SLC39A10: variants seen among roughly 807,000 people sequenced by gnomAD.
SLC39A10 encodes the protein zinc transporter ZIP10.
SLC39A10 carries 13 observed loss-of-function variants against 65.1 expected under a neutral mutation model. That is an observed-to-expected ratio of 0.20 (90% CI 0.13 to 0.32). The LOEUF is 0.32. SLC39A10 is among the 10% of genes least tolerant of loss of function. The pLI is 1.00. For missense variants in SLC39A10, 831 were observed against 1,018.4 expected, an observed-to-expected ratio of 0.82 and a Z score of 2.50; for synonymous variants, 321 against 342.2, an observed-to-expected ratio of 0.94 and a Z score of 0.68.
chr2:195,707,911 T>C (rs563642509), intron 4 of SLC39A10, among the ~76,000 whole-genome samples: 2 of 152,332 alleles, frequency 1.3e-5, no homozygotes, highest in South Asian at 4.1e-4. Flanking sequence ...TAAGTGCAGT[T>C]ATCTAACTTA....
Position 195,618,186 on chromosome 2 carries a change from AC to A in SLC39A10, c.-12+11954del, listed in dbSNP as rs1688267338. ...GCCAACATGGTGAAACCGTGTCTCT[AC>A]TAAAAATACAAAAATTAGCAGGGCA... On this transcript the variant is annotated intron_variant, in intron 2 of 2. Coordinates refer to the SLC39A10 transcript ENST00000458054. Among the ~76,000 whole-genome samples the A allele has an allele frequency of 3.3e-5, 5 of 151,982 alleles. No individual in the cohort carries two copies. The South Asian group carries it at 8.3e-4, about 25-fold the overall frequency.
intron 2 of SLC39A10, among the ~76,000 whole-genome samples, chr2:195,622,937 A>T (rs1688380139): frequency 7.2e-6 from 1 of 139,070 alleles, no homozygotes; most frequent in South Asian, 2.2e-4. Context: ...GCGCCCCTGC[A>T]CTCCAGCCTG....
chr2:195,715,117 G>A (rs1327852226), intron 6 of SLC39A10, among the ~76,000 whole-genome samples: 1 of 152,062 alleles, frequency 6.6e-6, no homozygotes, highest in Non-Finnish European at 1.5e-5. Context: ...AAAACAGCAT[G>A]TATAAAATAA....
chr2:195,627,274 C>T (rs962779857), intron 2 of SLC39A10, among the ~76,000 whole-genome samples: 2 of 152,114 alleles, frequency 1.3e-5, no homozygotes, highest in Admixed American at 6.5e-5. Flanking sequence ...ATGACACCCC[C>T]ACCCCGCGCC....
At chr2:195,718,929 T>G (rs1386564816) in intron 8 of SLC39A10, among the ~76,000 whole-genome samples, 2 of 152,004 alleles carry the variant, frequency 1.3e-5, no homozygotes. Flanking sequence ...ATGATTTCTG[T>G]TTTCATTTTA....
At chr2:195,695,350 G>A (rs1468837481) in intron 3 of SLC39A10, among the ~76,000 whole-genome samples, 1 of 152,152 alleles carries the variant, frequency 6.6e-6, no homozygotes, top group Non-Finnish European at 1.5e-5. Context: ...GGCTGCCTCT[G>A]CTGAGTCACA....
At chr2:195,729,310 T>C (rs996290569) in intron 9 of SLC39A10, among the ~76,000 whole-genome samples, 2 of 152,184 alleles carry the variant, frequency 1.3e-5, no homozygotes, top group Non-Finnish European at 2.9e-5. Context: ...ACAGAATTAA[T>C]GCCTATTTAT....
At chr2:195,635,643 A>G (rs1336797314) in intron 2 of SLC39A10, among the ~76,000 whole-genome samples, 1 of 151,060 alleles carries the variant, frequency 6.6e-6, no homozygotes, top group African/African-American at 2.4e-5. Context: ...ATCTCAAGTC[A>G]CAGTATCCCT....
chr2:195,710,395 G>T (rs1342408726), intron 5 of SLC39A10, among the ~76,000 whole-genome samples: 1 of 151,982 alleles, frequency 6.6e-6, no homozygotes, highest in Non-Finnish European at 1.5e-5. Flanking sequence ...ACCTTTTTTG[G>T]GATGGTCAAG....
intron 1 of SLC39A10, among the ~76,000 whole-genome samples, chr2:195,666,307 G>C (rs7562020): frequency 0.52 from 78,664 of 151,946 alleles, 21,034 homozygotes; most frequent in Non-Finnish European, 0.6. Context: ...TGGAAAAGAA[G>C]GATCATTTTA....
chr2:195,683,098 C>T (rs1690391958), intron 2 of SLC39A10, among the ~76,000 whole-genome samples: 1 of 151,086 alleles, frequency 6.6e-6, no homozygotes, highest in Admixed American at 6.6e-5. Flanking sequence ...TTGTTTTCTG[C>T]GTTGTTTTGT....
intron 5 of SLC39A10, among the ~76,000 whole-genome samples, chr2:195,712,605 T>G (rs1384258651): frequency 6.6e-6 from 1 of 152,240 alleles, no homozygotes; most frequent in Non-Finnish European, 1.5e-5. Flanking sequence ...AATTATTTGC[T>G]TTCTTAAATT....
At chr2:195,734,159 TAAAAAAAA>T (rs35001848) in intron 9 of SLC39A10, among the ~76,000 whole-genome samples, 1 of 116,540 alleles carries the variant, frequency 8.6e-6, no homozygotes, top group African/African-American at 3.4e-5. Flanking sequence ...CCTTTTTTTT[TAAAAAAAA>T]AAAAAAAAAA....
chr2:195,714,137 C>T (rs532220369), intron 6 of SLC39A10, among the ~76,000 whole-genome samples: 6 of 152,104 alleles, frequency 3.9e-5, no homozygotes, highest in African/African-American at 1.4e-4. Context: ...TTCACCGTGT[C>T]AGCCAGGATG....
At chr2:195,625,334 G>A (rs2105691605) in intron 2 of SLC39A10, among the ~76,000 whole-genome samples, 1 of 151,000 alleles carries the variant, frequency 6.6e-6, no homozygotes, top group East Asian at 2.0e-4. Context: ...GGAGTGCAAT[G>A]GCACGATCTC....
At chr2:195,701,947 T>C (rs1237771102) in intron 3 of SLC39A10, among the ~76,000 whole-genome samples, 1 of 152,150 alleles carries the variant, frequency 6.6e-6, no homozygotes, top group Non-Finnish European at 1.5e-5. Context: ...TCCCAGAGTG[T>C]TAGGATTACA....
intron 1 of SLC39A10, among the ~76,000 whole-genome samples, chr2:195,674,943 C>T (rs1053713792): frequency 6.6e-6 from 1 of 152,104 alleles, no homozygotes; most frequent in Non-Finnish European, 1.5e-5. Context: ...GTGTTGGGCA[C>T]TAATATGAAT....
intron 7 of SLC39A10, 68 bp downstream of exon 7, chr2:195,717,073 T>A: frequency 6.5e-7 from 1 of 1,537,826 alleles, no homozygotes; most frequent in Non-Finnish European, 8.7e-7. Flanking sequence ...TAAATTTGGC[T>A]GGAGCTTAAC....
At chr2:195,636,713 A>G (rs946979694) in intron 2 of SLC39A10, among the ~76,000 whole-genome samples, 1 of 152,140 alleles carries the variant, frequency 6.6e-6, no homozygotes, top group Non-Finnish European at 1.5e-5. Context: ...AGATCGCGCC[A>G]CTGCACTCCA....
Sources: allele counts gnomAD v4.1 joint callset (sites outside exome capture counted in the v4.1 genomes callset), GRCh38; gene constraint gnomAD v4.1.1; transcripts MANE v1.5; gene names NCBI Gene and HGNC (gene_info 2026-07-23, HGNC 2026-07-21).